The following SUGCT variants were observed in gnomAD, a reference collection of about 807,000 sequenced individuals.
The protein encoded by SUGCT is succinyl-CoA:glutarate CoA-transferase.
A neutral mutation model predicts 55.0 loss-of-function variants in SUGCT; 41 were observed. The observed-to-expected ratio is 0.74, with a 90% CI of 0.58 to 0.97. The LOEUF is 0.97. Ranked by LOEUF, SUGCT falls within the 50% of genes least tolerant of loss-of-function variation. The pLI, the probability that SUGCT is intolerant of heterozygous loss-of-function variation, is 0.00. For missense variants in SUGCT, 568 were observed against 547.8 expected, an observed-to-expected ratio of 1.04 and a Z score of -0.37; for synonymous variants, 187 against 200.4, an observed-to-expected ratio of 0.93 and a Z score of 0.56.
At chr7:40,475,293 A>G (rs970361362) in intron 11 of SUGCT, among the ~76,000 whole-genome samples, 2 of 152,150 alleles carry the variant, frequency 1.3e-5, no homozygotes, top group Admixed American at 1.3e-4. Context: ...AATAGACACC[A>G]TCCTCACTAC....
the SUGCT span, among the ~76,000 whole-genome samples, chr7:40,912,217 C>T: frequency 1.3e-5 from 2 of 152,010 alleles, no homozygotes; most frequent in East Asian, 1.9e-4. Context: ...TTTAGATTGG[C>T]CACATTTATG....
chr7:41,032,854 C>A, the SUGCT span, among the ~76,000 whole-genome samples: 2 of 152,328 alleles, frequency 1.3e-5, no homozygotes, highest in Admixed American at 6.5e-5. Flanking sequence ...ACCTCTGCCT[C>A]CCGGGTTCAA....
At chr7:40,571,408 G>T (rs1451544183) in intron 12 of SUGCT, among the ~76,000 whole-genome samples, 2 of 152,118 alleles carry the variant, frequency 1.3e-5, no homozygotes, top group African/African-American at 4.8e-5. Context: ...GAACTCAAGT[G>T]CAAATTAATT....
At position 40,144,923 on chromosome 7, in the gene SUGCT, G is replaced by T. The variant is rs75543662; in HGVS notation, c.100+9803G>T. ...GATAAACTTAATTTTAATAAAACTT[G>T]TAGACACATTTATCCAATTTTTAAT... On this transcript the variant is annotated intron_variant, in intron 1 of 13. Coordinates refer to ENST00000335693, the MANE Select transcript of SUGCT (RefSeq NM_001193313.2). Among the ~76,000 whole-genome samples, 80 of 152,168 alleles carry T rather than the reference G, an allele frequency of 5.3e-4. No homozygotes were observed. The East Asian group carries it at 0.015, about 28-fold the overall frequency.
At chr7:40,347,379 T>G (rs1797372739) in intron 9 of SUGCT, among the ~76,000 whole-genome samples, 1 of 152,050 alleles carries the variant, frequency 6.6e-6, no homozygotes, top group African/African-American at 2.4e-5. Context: ...CTTGGCTGAG[T>G]TGTCTTCTAG....
chr7:40,608,183 T>C (rs1798613653), intron 12 of SUGCT, among the ~76,000 whole-genome samples: 1 of 152,196 alleles, frequency 6.6e-6, no homozygotes, highest in South Asian at 2.1e-4. Context: ...GTAACATACA[T>C]GAAGTAGATC....
intron 12 of SUGCT, among the ~76,000 whole-genome samples, chr7:40,747,557 G>T (rs1349911587): frequency 1.3e-5 from 2 of 152,194 alleles, no homozygotes; most frequent in African/African-American, 2.4e-5. Flanking sequence ...CATTATAGCT[G>T]CCACTCTTTG....
At chr7:40,812,108 C>T (rs977628875) in intron 13 of SUGCT, among the ~76,000 whole-genome samples, 2 of 152,114 alleles carry the variant, frequency 1.3e-5, no homozygotes, top group Non-Finnish European at 2.9e-5. Context: ...GCAATGAAGC[C>T]TACTTGATCA....
At chr7:40,266,963 C>G (rs1791620009) in intron 7 of SUGCT, among the ~76,000 whole-genome samples, 1 of 151,314 alleles carries the variant, frequency 6.6e-6, no homozygotes, top group Non-Finnish European at 1.5e-5. Flanking sequence ...TTGCAGAGAG[C>G]TGAGATCATG....
intron 12 of SUGCT, among the ~76,000 whole-genome samples, chr7:40,673,596 G>A (rs935854472): frequency 6.6e-6 from 1 of 152,184 alleles, no homozygotes; most frequent in African/African-American, 2.4e-5. Flanking sequence ...CTATTTAAGG[G>A]CGCTATGTAA....
intron 6 of SUGCT, among the ~76,000 whole-genome samples, chr7:40,230,169 G>A (rs1257621132): frequency 6.6e-6 from 1 of 152,132 alleles, no homozygotes; most frequent in African/African-American, 2.4e-5. Flanking sequence ...GACCAGGTCT[G>A]TATCTTAAAG....
intron 12 of SUGCT, among the ~76,000 whole-genome samples, chr7:40,516,757 A>G (rs989260494): frequency 6.6e-6 from 1 of 152,040 alleles, no homozygotes; most frequent in Non-Finnish European, 1.5e-5. Context: ...TGAAATGAAG[A>G]AGTGTCTGTA....
chr7:40,473,399 A>G (rs1195663479), intron 11 of SUGCT, among the ~76,000 whole-genome samples: 4 of 152,146 alleles, frequency 2.6e-5, no homozygotes, highest in African/African-American at 7.2e-5. Context: ...ATTTGATTGA[A>G]ATATTATTTT....
chr7:40,276,953 T>C (rs1792539180), intron 8 of SUGCT, among the ~76,000 whole-genome samples: 2 of 152,188 alleles, frequency 1.3e-5, no homozygotes, highest in East Asian at 1.9e-4. Flanking sequence ...TTGTCAAAGA[T>C]TGGCTTTTCC....
intron 1 of SUGCT, among the ~76,000 whole-genome samples, chr7:40,173,253 A>G (rs1287689662): frequency 1.3e-5 from 2 of 152,232 alleles, no homozygotes; most frequent in African/African-American, 4.8e-5. Flanking sequence ...ATGCAGGAAC[A>G]ATGGCGAGCC....
At chr7:40,939,240 A>C in the SUGCT span, among the ~76,000 whole-genome samples, 2 of 152,214 alleles carry the variant, frequency 1.3e-5, no homozygotes, top group African/African-American at 2.4e-5. Flanking sequence ...CCCTCATAAA[A>C]CCATCAGATC....
chr7:40,369,771 A>AT (rs557921422), intron 9 of SUGCT, among the ~76,000 whole-genome samples: 5 of 152,158 alleles, frequency 3.3e-5, no homozygotes, highest in Non-Finnish European at 5.9e-5. Flanking sequence ...GGGCCTGTGG[A>AT]TTAGGAGTCC....
At chr7:40,300,924 C>T (rs1466852874) in intron 8 of SUGCT, among the ~76,000 whole-genome samples, 1 of 152,088 alleles carries the variant, frequency 6.6e-6, no homozygotes, top group African/African-American at 2.4e-5. Context: ...GAAGTGATGG[C>T]CATAAAATGG....
At chr7:40,464,122 A>G (rs537921712) in intron 11 of SUGCT, among the ~76,000 whole-genome samples, 1 of 152,326 alleles carries the variant, frequency 6.6e-6, no homozygotes, top group Non-Finnish European at 1.5e-5. Context: ...TGAAATGAGG[A>G]TGAAGGAGAA....
Sources: gnomAD v4.1 joint callset for allele counts (sites outside exome capture counted in the v4.1 genomes callset) on GRCh38, gnomAD v4.1.1 for gene constraint, MANE v1.5 for transcripts, NCBI Gene and HGNC (gene_info 2026-07-23, HGNC 2026-07-21) for gene names.